RAB28: variants seen among roughly 807,000 people sequenced by gnomAD.
RAB28 encodes the protein RAB28, member RAS oncogene family.
Under a neutral mutation model 31.7 loss-of-function variants are expected in RAB28, and 24 were observed. The observed-to-expected ratio is 0.76, with a 90% CI of 0.55 to 1.06. The LOEUF is 1.06. Among genes scored for constraint, RAB28 ranks in the 50% least tolerant of loss-of-function variants. The probability of loss-of-function intolerance (pLI) is 0.00; values close to 1 mark genes in which losing one functional copy is unlikely to be tolerated. For missense variants in RAB28, 254 were observed against 258.5 expected (o/e 0.98, Z 0.12); for synonymous variants, 100 against 90.4 (o/e 1.11, Z -0.60).
intron 4 of RAB28, among the ~76,000 whole-genome samples, chr4:13,454,374 T>C (rs1345945204): frequency 6.6e-6 from 1 of 152,238 alleles, no homozygotes; most frequent in Non-Finnish European, 1.5e-5. Context: ...TATTATTATA[T>C]TCCTTTAAAG....
At chr4:13,384,860 A>G (rs111415602) in intron 4 of RAB28, among the ~76,000 whole-genome samples, 71 of 152,294 alleles carry the variant, frequency 4.7e-4, no homozygotes, top group Middle Eastern at 3.4e-3. Context: ...TCTGAACTGG[A>G]CTGAGATGGC....
At chr4:13,401,330 G>A (rs778069856) in intron 4 of RAB28, among the ~76,000 whole-genome samples, 159 of 152,038 alleles carry the variant, frequency 1.0e-3, no homozygotes, top group Non-Finnish European at 1.1e-3. Context: ...CATTTAATGA[G>A]AACACATGGA....
intron 5 of RAB28, among the ~76,000 whole-genome samples, chr4:13,376,903 T>G (rs532898472): frequency 6.6e-6 from 1 of 152,256 alleles, no homozygotes; most frequent in East Asian, 1.9e-4. Context: ...CAGCTACCAC[T>G]TTAAAAAACA....
intron 5 of RAB28, among the ~76,000 whole-genome samples, chr4:13,380,125 T>C (rs1269982015): frequency 6.6e-6 from 1 of 152,096 alleles, no homozygotes; most frequent in Non-Finnish European, 1.5e-5. Context: ...ATTATTGACA[T>C]TACATTTTTT....
chr4:13,383,397 T>A (rs1407570014), intron 4 of RAB28, among the ~76,000 whole-genome samples: 1 of 152,162 alleles, frequency 6.6e-6, no homozygotes. Context: ...CAAATCTCCA[T>A]CTATCATTTA....
chr4:13,464,687 A>G (rs537276315), intron 3 of RAB28, among the ~76,000 whole-genome samples: 8 of 152,282 alleles, frequency 5.3e-5, no homozygotes, highest in African/African-American at 1.7e-4. Flanking sequence ...CAGCTAAAGT[A>G]AACACTAAAT....
chr4:13,462,926 T>C lies in RAB28; in HGVS notation c.262-2098A>G, dbSNP rs952864729. Among the ~76,000 whole-genome samples the C allele has an allele frequency of 8.5e-5, 13 of 152,330 alleles. No individual in the cohort carries two copies. In the East Asian group the frequency reaches 2.1e-3, roughly 25 times the overall value. ...TCCAACTGCCATGGGTGATATATTA[T>C]TTGTTGAAAAGAGCTCTACGCTGGA... On this transcript the variant is annotated intron_variant, in intron 3 of 6. Transcript: ENST00000330852.
At chr4:13,386,206 T>G (rs1004115089) in intron 4 of RAB28, among the ~76,000 whole-genome samples, 9 of 151,840 alleles carry the variant, frequency 5.9e-5, no homozygotes, top group Non-Finnish European at 1.0e-4. Flanking sequence ...CAGGCAGATA[T>G]TTCAGGATGA....
chr4:13,451,051 T>C (rs1560137052), intron 4 of RAB28, among the ~76,000 whole-genome samples: 1 of 151,860 alleles, frequency 6.6e-6, no homozygotes. Flanking sequence ...TAATCTGATC[T>C]GCAATTTGGG....
intron 4 of RAB28, among the ~76,000 whole-genome samples, chr4:13,455,407 G>C (rs1195024122): frequency 6.6e-6 from 1 of 152,232 alleles, no homozygotes; most frequent in East Asian, 1.9e-4. Context: ...TGGTTCCCCT[G>C]CTGTGCAGGA....
At chr4:13,371,558 A>T (rs544091659) in intron 6 of RAB28, 1 of 985,298 alleles carries the variant, frequency 1.0e-6, no homozygotes, top group Admixed American at 6.1e-5. Flanking sequence ...TTAATGAAGA[A>T]TTAACAAGAC....
intron 4 of RAB28, among the ~76,000 whole-genome samples, chr4:13,420,733 A>G (rs1713082917): frequency 6.6e-6 from 1 of 152,214 alleles, no homozygotes; most frequent in Non-Finnish European, 1.5e-5. Flanking sequence ...CTTTCAATGA[A>G]CTAGGTATTA....
chr4:13,466,648 A>C (rs994894926), intron 3 of RAB28, among the ~76,000 whole-genome samples: 1 of 151,798 alleles, frequency 6.6e-6, no homozygotes, highest in Non-Finnish European at 1.5e-5. Flanking sequence ...TCCTCAAAAA[A>C]ACTAAGAATA....
chr4:13,367,894 T>C lies in RAB28; in HGVS notation c.*664A>G, dbSNP rs1254070716. 6 of 984,080 alleles carry C rather than the reference T, an allele frequency of 6.1e-6. No individual in the cohort carries two copies. The Admixed American group carries it at 2.5e-4, about 40-fold the overall frequency. 61.0% of individuals were successfully genotyped at this position (984,080 alleles called of 1,614,324 possible). On this transcript the variant is annotated 3_prime_UTR_variant, in exon 7 of 7. Coordinates refer to ENST00000330852, the MANE Select transcript of RAB28 (RefSeq NM_001017979.3). ...AATTCAGAAAGCCTTCAAACCTGAG[T>C]ATTACACAATACATAACGACAACGA... is the stretch of plus-strand genomic sequence containing the variant.
intron 4 of RAB28, among the ~76,000 whole-genome samples, chr4:13,421,606 A>G (rs1713149482): frequency 6.6e-6 from 1 of 152,220 alleles, no homozygotes; most frequent in Admixed American, 6.5e-5. Flanking sequence ...CCACACATCT[A>G]CAACCATCTG....
intron 5 of RAB28, among the ~76,000 whole-genome samples, chr4:13,381,145 G>C (rs552295277): frequency 5.3e-5 from 8 of 151,940 alleles, no homozygotes; most frequent in African/African-American, 1.9e-4. Context: ...AATAAAGTAA[G>C]CACTCAATGA....
At chr4:13,470,142 T>A (rs1304907978) in intron 3 of RAB28, among the ~76,000 whole-genome samples, 1 of 152,114 alleles carries the variant, frequency 6.6e-6, no homozygotes, top group East Asian at 1.9e-4. Context: ...GGTTCTCCCA[T>A]TCCCAAAATG....
intron 4 of RAB28, among the ~76,000 whole-genome samples, chr4:13,444,155 G>A (rs190318090): frequency 0.012 from 1,754 of 151,888 alleles, 13 homozygotes; most frequent in Non-Finnish European, 0.017. Context: ...AGCCTCCCGA[G>A]TAGCTGGGAC....
At chr4:13,467,629 C>A (rs1208024233) in intron 3 of RAB28, among the ~76,000 whole-genome samples, 1 of 151,680 alleles carries the variant, frequency 6.6e-6, no homozygotes, top group Non-Finnish European at 1.5e-5. Flanking sequence ...AACTCTAGAA[C>A]AATCACTAAA....
Sources: allele counts gnomAD v4.1 joint callset (sites outside exome capture counted in the v4.1 genomes callset), GRCh38; gene constraint gnomAD v4.1.1; transcripts MANE v1.5; gene names NCBI Gene and HGNC (gene_info 2026-07-23, HGNC 2026-07-21).